Variants in TNRC6C observed in about 807,000 individuals in gnomAD.
TNRC6C encodes trinucleotide repeat-containing gene 6C protein.
A neutral mutation model predicts 153.7 loss-of-function variants in TNRC6C; 20 were observed. That is an observed-to-expected ratio of 0.13 (90% CI 0.09 to 0.19). TNRC6C has a LOEUF of 0.19. Ranked by LOEUF, TNRC6C falls within the 10% of genes least tolerant of loss-of-function variation. The pLI, the probability that TNRC6C is intolerant of heterozygous loss-of-function variation, is 1.00. For missense variants in TNRC6C, 1,987 were observed against 2,172.0 expected, an observed-to-expected ratio of 0.91 and a Z score of 1.69; for synonymous variants, 811 against 841.4, an observed-to-expected ratio of 0.96 and a Z score of 0.63.
chr17:78,075,251 C>A lies in TNRC6C; in HGVS notation c.3033C>A (p.Ser1011=). The A allele has an allele frequency of 6.3e-7, 1 of 1,599,878 alleles. No homozygotes were observed. The highest frequency in any genetic ancestry group is 8.5e-7 in the Non-Finnish European group (1 of 1,173,048). The change falls in exon 8 of 20, where the codon TCC becomes TCA. Residue 1011 remains serine (S), a synonymous_variant. Coordinates refer to ENST00000301624, the Ensembl canonical transcript of TNRC6C. This position sits in a 1 kb window ranked among gnomAD's most constrained non-coding sequence, Gnocchi z 4.2. ...GCCCGCCAATCTCCAAAGAGTCTTC[C>A]GTGGACCGCCCCACCTTTCTTGACA...
chr17:78,056,869 T>TTTTTTTTTTTTTTTTTTGAGACGGA (rs1555638091), intron 3 of TNRC6C, among the ~76,000 whole-genome samples: 63 of 151,076 alleles, frequency 4.2e-4, no homozygotes, highest in Non-Finnish European at 5.3e-4. Context: ...CTCTTTTATA[T>TTTTTTTTTTTTTTTTTTGAGACGGA]GAAAAATATT....
intron 1 of TNRC6C, among the ~76,000 whole-genome samples, chr17:77,960,530 C>T (rs1020884802): frequency 1.3e-5 from 2 of 152,198 alleles, no homozygotes; most frequent in Admixed American, 1.3e-4. Flanking sequence ...ACCCTGGAAA[C>T]CTGGCTTGAG....
chr17:78,064,278 G>C (rs1443686441), intron 3 of TNRC6C, among the ~76,000 whole-genome samples: 1 of 152,142 alleles, frequency 6.6e-6, no homozygotes. Context: ...TGTATTTTTA[G>C]TAGTGACAGG....
At chr17:78,007,266 A>G (rs920331231) in intron 1 of TNRC6C, among the ~76,000 whole-genome samples, 2 of 152,228 alleles carry the variant, frequency 1.3e-5, no homozygotes, top group Non-Finnish European at 2.9e-5. Context: ...TAGCCTTAGA[A>G]TGGGTTGTAG....
intron 1 of TNRC6C, among the ~76,000 whole-genome samples, chr17:78,022,002 G>T (rs1278268947): frequency 1.3e-5 from 2 of 152,174 alleles, no homozygotes; most frequent in Non-Finnish European, 2.9e-5. Context: ...AACTCTATTA[G>T]TATCTGGCTC....
chr17:78,093,876 C>T (rs2073436087), intron 16 of TNRC6C, 113 bp downstream of exon 18: 16 of 1,332,838 alleles, frequency 1.2e-5, no homozygotes, highest in African/African-American at 1.5e-5. Context: ...GCACAGTTGG[C>T]GGGCACCTTT....
rs575614253 is a variant in TNRC6C at position 78,080,101 on chromosome 17, GT to G, written c.3357+568del. ...AGATCATTTTTGCCAATAGAGTTGG[GT>G]TTTTTTTCTTTCTTTCATCCCTTTT... On this transcript the variant is annotated intron_variant, in intron 10 of 19. Coordinates refer to ENST00000301624, the Ensembl canonical transcript of TNRC6C. Among the ~76,000 whole-genome samples the G allele has an allele frequency of 1.5e-3, 224 of 152,074 alleles. 1 individual carries two copies. Among genetic ancestry groups the G allele is most frequent in the African/African-American group, 5.2e-3 (214 of 41,478 alleles).
At chr17:78,055,017 A>C (rs577525540) in intron 3 of TNRC6C, among the ~76,000 whole-genome samples, 1 of 150,672 alleles carries the variant, frequency 6.6e-6, no homozygotes, top group East Asian at 2.0e-4. Flanking sequence ...CACCACTGCA[A>C]AGTAGAGTTC....
Position 78,049,530 on chromosome 17 carries a change from A to C in TNRC6C, c.468A>C (p.Pro156=), listed in dbSNP as rs1247850535. 1.2e-6 allele frequency: 2 copies of C among 1,614,070 alleles called. No individual in the cohort carries two copies. Among genetic ancestry groups the C allele is most frequent in the Non-Finnish European group, 1.7e-6 (2 of 1,179,908 alleles). ...TAGGTGCTTGGGGAAACTTGCTGCC[A>C]CAAGAGAGCACAGAACCACAAACGT... Residue 156 remains proline, a synonymous_variant, in exon 3 of 20, where the codon CCA becomes CCC. Transcript: ENST00000301624. The surrounding 1 kb of genome is among the most constrained non-coding windows in gnomAD (Gnocchi z 4.1).
chr17:78,055,734 A>G (rs1567941966), intron 3 of TNRC6C, among the ~76,000 whole-genome samples: 1 of 152,180 alleles, frequency 6.6e-6, no homozygotes, highest in Non-Finnish European at 1.5e-5. Context: ...GAGTCGTGCA[A>G]TAAATGTGGT....
intron 15 of TNRC6C, 67 bp from the exon 18 acceptor site, chr17:78,093,553 T>C (rs16970810): frequency 0.081 from 127,513 of 1,578,768 alleles, 6,428 homozygotes; most frequent in African/African-American, 0.19. Context: ...AAAACATCTT[T>C]TAAAATTTCG....
exon 3 of TNRC6C, chr17:78,051,380 A>C (rs781136024): frequency 6.5e-7 from 1 of 1,550,346 alleles, no homozygotes; most frequent in Middle Eastern, 1.7e-4. Context: ...AACACCACAC[A>C]CAGGGTCGAG....
At chr17:78,035,546 A>G (rs1267003927) in intron 2 of TNRC6C, among the ~76,000 whole-genome samples, 2 of 152,232 alleles carry the variant, frequency 1.3e-5, no homozygotes, top group African/African-American at 2.4e-5. Flanking sequence ...CAGAGTGTTC[A>G]CAAATCCCAG....
At chr17:78,004,178 A>C (rs78313950), upstream of TNRC6C, 368 of 1,231,740 alleles carry the variant, frequency 3.0e-4, 1 homozygote, top group African/African-American at 5.3e-3. Context: ...AGGGAGAAAG[A>C]GCAAGAAACA....
chr17:77,990,552 C>T (rs1349729526), intron 1 of TNRC6C, among the ~76,000 whole-genome samples: 3 of 151,844 alleles, frequency 2.0e-5, no homozygotes, highest in African/African-American at 7.3e-5. Flanking sequence ...ACCAGGTCTC[C>T]TTCAGAACTT....
At chr17:77,959,457 G>A (rs1268883721) in intron 1 of TNRC6C, among the ~76,000 whole-genome samples, 189 bp downstream of exon 1, 2 of 151,936 alleles carry the variant, frequency 1.3e-5, no homozygotes, top group African/African-American at 4.8e-5. Context: ...GCGCGTGTGT[G>A]CTAGTGTGAG....
exon 3 of TNRC6C, chr17:78,050,317 G>C: frequency 6.3e-7 from 1 of 1,580,428 alleles, no homozygotes; most frequent in Admixed American, 1.8e-5. Context: ...AACGGGAGAA[G>C]GCCGAAGGCG....
chr17:78,079,596 G>A lies in TNRC6C; in HGVS notation c.3357+55G>A, dbSNP rs1460176990. The A allele has an allele frequency of 1.4e-5, 22 of 1,590,652 alleles. No homozygotes were observed. The East Asian group carries it at 2.3e-4, about 16-fold the overall frequency. The stretch of plus-strand genomic sequence containing the variant: ...AACAGGATATAGATGCCAGTGTTTC[G>A]TGGGGTCCTGTGTTATCTGGAAGTC... On this transcript the variant is annotated intron_variant, in intron 10 of 19. Coordinates refer to ENST00000301624, the Ensembl canonical transcript of TNRC6C. The surrounding 1 kb of genome is among the most constrained non-coding windows in gnomAD (Gnocchi z 4.3).
chr17:78,103,300 A>C, intron 18 of TNRC6C, 114 bp from the exon 22 acceptor site: 1 of 1,293,236 alleles, frequency 7.7e-7, no homozygotes, highest in African/African-American at 1.5e-5. Context: ...GGCCTTTTAA[A>C]GAAAAACATT....
Sources: allele counts gnomAD v4.1 joint callset (sites outside exome capture counted in the v4.1 genomes callset), GRCh38; gene constraint gnomAD v4.1.1; non-coding constraint Gnocchi (gnomAD v3.1); transcripts MANE v1.5; gene names NCBI Gene and HGNC (gene_info 2026-07-23, HGNC 2026-07-21).